SDK1: variants seen among roughly 807,000 people sequenced by gnomAD.
The protein encoded by SDK1 is protein sidekick-1.
SDK1 carries 157 observed loss-of-function variants against 245.5 expected under a neutral mutation model. The ratio of observed to expected loss-of-function variants is 0.64; its 90% CI spans 0.56 to 0.73. SDK1 has a LOEUF of 0.73. Ranked by LOEUF, SDK1 falls within the 30% of genes least tolerant of loss-of-function variation. The pLI is 0.00. For missense variants in SDK1, 3,583 were observed against 3,002.3 expected, an observed-to-expected ratio of 1.19 and a Z score of -4.52; for synonymous variants, 1,647 against 1,278.5, an observed-to-expected ratio of 1.29 and a Z score of -6.15.
chr7:4,134,466 C>T (rs575749751), intron 28 of SDK1, among the ~76,000 whole-genome samples: 2 of 152,192 alleles, frequency 1.3e-5, no homozygotes, highest in Non-Finnish European at 1.5e-5. Flanking sequence ...AGGAGCCCCA[C>T]CCAGGCAGGC....
At chr7:3,897,565 T>C (rs1271679688) in intron 5 of SDK1, among the ~76,000 whole-genome samples, 1 of 152,246 alleles carries the variant, frequency 6.6e-6, no homozygotes, top group East Asian at 1.9e-4. Context: ...TATGACCTTA[T>C]ATGTATAGAC....
At chr7:3,368,203 G>A (rs1046876018) in intron 1 of SDK1, among the ~76,000 whole-genome samples, 5 of 152,158 alleles carry the variant, frequency 3.3e-5, no homozygotes, top group Non-Finnish European at 5.9e-5. Flanking sequence ...AAATATTGTT[G>A]AGCCAGTTAT....
rs370609977 is a variant in SDK1 at position 3,580,917 on chromosome 7, C to T, written c.299-38163C>T. Among the ~76,000 whole-genome samples, 18 of 132,736 alleles carry T rather than the reference C, an allele frequency of 1.4e-4. No homozygotes were observed. In the East Asian group the frequency reaches 1.8e-3, roughly 14 times the overall value. The allele number at this position is 132,736 out of a possible 152,430, so 87.1% of individuals were successfully genotyped here. A position where few individuals can be genotyped will look rare whatever the true frequency, so the allele number is the denominator to read the frequency against. The stretch of plus-strand genomic sequence containing the variant: ...GAGGAGGCAGAAGTTGCAGATGAGC[C>T]GAGATTGCACCACCACATTCCAGCC... On this transcript the variant is annotated intron_variant, in intron 1 of 44. Coordinates refer to ENST00000404826, the MANE Select transcript of SDK1 (RefSeq NM_152744.4).
intron 5 of SDK1, among the ~76,000 whole-genome samples, chr7:3,871,482 G>A (rs371834336): frequency 3.3e-5 from 5 of 152,322 alleles, no homozygotes; most frequent in East Asian, 3.9e-4. Flanking sequence ...AAAGGAATAC[G>A]TGAGGCTGGG....
chr7:3,486,152 C>CT (rs1781687921), intron 1 of SDK1, among the ~76,000 whole-genome samples: 1 of 151,714 alleles, frequency 6.6e-6, no homozygotes, highest in Non-Finnish European at 1.5e-5. Context: ...CTTTTGTTTT[C>CT]TTTTTTCTTA....
chr7:3,579,736 T>A (rs561503628), intron 1 of SDK1, among the ~76,000 whole-genome samples: 1 of 152,302 alleles, frequency 6.6e-6, no homozygotes, highest in South Asian at 2.1e-4. Flanking sequence ...TTAAACCATT[T>A]GGAAAGCAGT....
chr7:3,489,795 C>G (rs1258404223), intron 1 of SDK1, among the ~76,000 whole-genome samples: 2 of 152,178 alleles, frequency 1.3e-5, no homozygotes, highest in East Asian at 1.9e-4. Context: ...AATTTGATCA[C>G]AAAGTATACA....
intron 38 of SDK1, among the ~76,000 whole-genome samples, chr7:4,219,787 G>A (rs1373068324): frequency 6.6e-6 from 1 of 151,344 alleles, no homozygotes; most frequent in Non-Finnish European, 1.5e-5. Context: ...AGAATGGCAG[G>A]ACCGCCCCCC....
At chr7:4,192,782 C>A (rs1783286816) in intron 35 of SDK1, among the ~76,000 whole-genome samples, 1 of 151,936 alleles carries the variant, frequency 6.6e-6, no homozygotes, top group African/African-American at 2.4e-5. Context: ...CACTCGCCAC[C>A]AGCTCAACCA....
At chr7:3,899,100 G>C (rs1174707761) in intron 5 of SDK1, among the ~76,000 whole-genome samples, 1 of 152,074 alleles carries the variant, frequency 6.6e-6, no homozygotes, top group East Asian at 1.9e-4. Context: ...TATTTCCTGT[G>C]ATCCTGTCAG....
intron 17 of SDK1, among the ~76,000 whole-genome samples, chr7:4,034,748 T>C (rs914587190): frequency 6.6e-6 from 1 of 152,196 alleles, no homozygotes; most frequent in African/African-American, 2.4e-5. Context: ...CCACTTGTTA[T>C]AGCAAAAGAC....
intron 28 of SDK1, among the ~76,000 whole-genome samples, chr7:4,144,590 A>G (rs76369584): frequency 0.015 from 2,320 of 152,124 alleles, 63 homozygotes; most frequent in African/African-American, 0.053. Flanking sequence ...ATGAGTGACA[A>G]GGCGCAGGAG....
rs114964172 is a variant in SDK1 at position 3,734,932 on chromosome 7, C to G, written c.714-86518C>G. On this transcript the variant is annotated intron_variant, in intron 4 of 44. Transcript: ENST00000404826. ...TTCTTGGCTGAAGTAAGCAGTCTGC[C>G]TTGAGTGCCCTGTGTCCTTCATTCT... 5.4e-3 allele frequency among the ~76,000 whole-genome samples: 815 copies of G among 152,292 alleles called. 6 individuals carry two copies. The highest frequency in any genetic ancestry group is 0.018 in the African/African-American group (766 of 41,554).
Position 4,050,631 on chromosome 7 carries a change from C to T in SDK1, c.2719-1007C>T, listed in dbSNP as rs75522265. 6.5e-3 allele frequency among the ~76,000 whole-genome samples: 990 copies of T among 152,220 alleles called. 5 individuals carry two copies. Among genetic ancestry groups the T allele is most frequent in the African/African-American group, 0.023 (969 of 41,518 alleles). ...ACACGCTTTCCTTAGGTTGTGGATA[C>T]AGTCTGTATTTCTTTAAAATTGTAA... On this transcript the variant is annotated intron_variant, in intron 18 of 44. Transcript: ENST00000404826.
chr7:3,855,239 A>G (rs569393060), intron 5 of SDK1, among the ~76,000 whole-genome samples: 3 of 152,214 alleles, frequency 2.0e-5, no homozygotes, highest in East Asian at 3.9e-4. Flanking sequence ...TCTCAAATAG[A>G]AAGATGAGCA....
rs192676273 is a variant in SDK1 at position 3,905,538 on chromosome 7, G to T, written c.848-45385G>T. Among the ~76,000 whole-genome samples, 4 of 151,994 alleles carry T rather than the reference G, an allele frequency of 2.6e-5. No individual in the cohort carries two copies. In the East Asian group the frequency reaches 5.8e-4, roughly 22 times the overall value. On this transcript the variant is annotated intron_variant, in intron 5 of 44. Transcript: ENST00000404826. ...TTAGGGTTGTTTTTTCCTTATCTTT[G>T]CTGTCTACAGTTTCACTAGGTAGTT...
At chr7:4,102,401 A>G (rs57187147) in intron 22 of SDK1, among the ~76,000 whole-genome samples, 18,601 of 152,164 alleles carry the variant, frequency 0.12, 1,889 homozygotes, top group African/African-American at 0.28. Context: ...AGTTTCAGCC[A>G]GGCAGGGTGC....
At chr7:4,222,770 TG>T (rs1483699538) in intron 40 of SDK1, among the ~76,000 whole-genome samples, 2 of 152,102 alleles carry the variant, frequency 1.3e-5, no homozygotes, top group Non-Finnish European at 2.9e-5. Flanking sequence ...GGTCCTGAGT[TG>T]GTAAAGGATG....
chr7:3,919,011 A>C (rs1186399436), intron 5 of SDK1, among the ~76,000 whole-genome samples: 1 of 152,214 alleles, frequency 6.6e-6, no homozygotes, highest in African/African-American at 2.4e-5. Flanking sequence ...TTAACTCATA[A>C]CTATTACTAT....
Sources: allele counts gnomAD v4.1 joint callset (sites outside exome capture counted in the v4.1 genomes callset), GRCh38; gene constraint gnomAD v4.1.1; transcripts MANE v1.5; gene names NCBI Gene and HGNC (gene_info 2026-07-23, HGNC 2026-07-21).